The following CTNND2 variants were observed in gnomAD, a reference collection of about 807,000 sequenced individuals.
CTNND2 encodes the protein catenin delta-2.
A neutral mutation model predicts 144.4 loss-of-function variants in CTNND2; 22 were observed. The observed-to-expected ratio is 0.15, with a 90% CI of 0.11 to 0.22. The LOEUF (loss-of-function observed/expected upper bound fraction) is 0.22, where lower values mean the gene tolerates loss of function less well. Among genes scored for constraint, CTNND2 ranks in the 10% least tolerant of loss-of-function variants. The pLI, the probability that CTNND2 is intolerant of heterozygous loss-of-function variation, is 1.00. For synonymous variants in CTNND2, 751 were observed against 695.6 expected, an observed-to-expected ratio of 1.08 and a Z score of -1.25; for missense variants, 1,353 against 1,618.8, an observed-to-expected ratio of 0.84 and a Z score of 2.82.
At chr5:11,510,922 C>T (rs951959035) in intron 3 of CTNND2, among the ~76,000 whole-genome samples, 1 of 129,354 alleles carries the variant, frequency 7.7e-6, no homozygotes, top group African/African-American at 3.1e-5. Flanking sequence ...CAGAAAGAGA[C>T]TCTATCTCAA....
At chr5:11,502,181 C>A (rs1186291139) in intron 3 of CTNND2, among the ~76,000 whole-genome samples, 1 of 146,944 alleles carries the variant, frequency 6.8e-6, no homozygotes, top group Non-Finnish European at 1.5e-5. Context: ...ACGTCCAGAA[C>A]TGTGAGAAAT....
At chr5:11,079,304 T>C (rs1394028045) in intron 16 of CTNND2, among the ~76,000 whole-genome samples, 1 of 123,836 alleles carries the variant, frequency 8.1e-6, no homozygotes, top group African/African-American at 3.8e-5. Context: ...TCCCTTCTGC[T>C]GAGCCTCTGG....
chr5:11,801,732 T>C (rs1284096596), intron 1 of CTNND2, among the ~76,000 whole-genome samples: 1 of 152,214 alleles, frequency 6.6e-6, no homozygotes, highest in Non-Finnish European at 1.5e-5. Flanking sequence ...AGCATCTTTT[T>C]ACTTTAGTAA....
chr5:11,657,447 T>C (rs1291354197), intron 2 of CTNND2, among the ~76,000 whole-genome samples: 1 of 152,128 alleles, frequency 6.6e-6, no homozygotes, highest in African/African-American at 2.4e-5. Flanking sequence ...CCTTCTTCTT[T>C]CTCTCTCCTG....
intron 12 of CTNND2, among the ~76,000 whole-genome samples, chr5:11,118,781 CACA>C: frequency 6.6e-6 from 1 of 152,256 alleles, no homozygotes; most frequent in East Asian, 1.9e-4. Flanking sequence ...ATTTCATATT[CACA>C]ACATCTTTTG....
At chr5:11,220,049 T>C (rs1739628054) in intron 10 of CTNND2, among the ~76,000 whole-genome samples, 1 of 152,176 alleles carries the variant, frequency 6.6e-6, no homozygotes, top group African/African-American at 2.4e-5. Context: ...ACTGTCCATG[T>C]CACTATTTTA....
chr5:11,852,524 G>C (rs1266540463), intron 1 of CTNND2, among the ~76,000 whole-genome samples: 1 of 152,066 alleles, frequency 6.6e-6, no homozygotes, highest in Non-Finnish European at 1.5e-5. Flanking sequence ...TGATGTGAAG[G>C]AAATGCCAAC....
At chr5:11,711,399 G>A (rs1043261165) in intron 2 of CTNND2, among the ~76,000 whole-genome samples, 4 of 151,924 alleles carry the variant, frequency 2.6e-5, no homozygotes, top group African/African-American at 7.3e-5. Context: ...ATATTTAATC[G>A]GCATAGTCCT....
intron 10 of CTNND2, among the ~76,000 whole-genome samples, chr5:11,236,300 G>A (rs767177105): frequency 6.6e-6 from 1 of 152,176 alleles, no homozygotes; most frequent in Non-Finnish European, 1.5e-5. Context: ...AGCTTATACT[G>A]ACTATAACAA....
At chr5:11,878,624 G>T (rs1405567095) in intron 1 of CTNND2, among the ~76,000 whole-genome samples, 1 of 152,198 alleles carries the variant, frequency 6.6e-6, no homozygotes, top group Non-Finnish European at 1.5e-5. Flanking sequence ...CTGAGCTGAA[G>T]TTTGCAGTGT....
At chr5:11,054,193 G>C (rs1006371174) in intron 16 of CTNND2, among the ~76,000 whole-genome samples, 2 of 152,286 alleles carry the variant, frequency 1.3e-5, no homozygotes, top group East Asian at 1.9e-4. Flanking sequence ...TATGAAGCAC[G>C]AGGACAATGA....
At chr5:11,610,762 A>C (rs752415737) in intron 2 of CTNND2, among the ~76,000 whole-genome samples, 14 of 152,230 alleles carry the variant, frequency 9.2e-5, no homozygotes, top group Non-Finnish European at 1.9e-4. Flanking sequence ...ATGACATATT[A>C]GAGGTTTGTC....
At chr5:11,554,508 T>A (rs1245289719) in intron 3 of CTNND2, among the ~76,000 whole-genome samples, 2 of 115,950 alleles carry the variant, frequency 1.7e-5, no homozygotes, top group Admixed American at 2.0e-4. Flanking sequence ...AAGTGATTTT[T>A]TTTCTCTATA....
intron 9 of CTNND2, among the ~76,000 whole-genome samples, chr5:11,318,374 G>T (rs1373121388): frequency 6.6e-6 from 1 of 152,124 alleles, no homozygotes; most frequent in East Asian, 1.9e-4. Flanking sequence ...CATGCTGAAG[G>T]TTGTCCTCTG....
At chr5:11,009,436 A>G (rs1402609836) in intron 18 of CTNND2, among the ~76,000 whole-genome samples, 1 of 152,222 alleles carries the variant, frequency 6.6e-6, no homozygotes, top group Non-Finnish European at 1.5e-5. Context: ...GAGAGAAGAA[A>G]CTGATCACGC....
intron 15 of CTNND2, chr5:11,083,897 G>A: frequency 1.8e-6 from 2 of 1,138,662 alleles, no homozygotes; most frequent in South Asian, 1.7e-5. Context: ...CAGGCAGGGA[G>A]CCCCCTCTGG....
At chr5:11,475,357 C>G (rs1000903666) in intron 3 of CTNND2, among the ~76,000 whole-genome samples, 1 of 152,154 alleles carries the variant, frequency 6.6e-6, no homozygotes. Flanking sequence ...TTTTATTCAC[C>G]AAACTCCCTA....
chr5:11,867,954 T>G (rs1795850388), intron 1 of CTNND2, among the ~76,000 whole-genome samples: 1 of 151,124 alleles, frequency 6.6e-6, no homozygotes, highest in Admixed American at 6.6e-5. Flanking sequence ...TTCCCAATTA[T>G]CATGGAGCTA....
At chr5:11,689,581 CACTT>C (rs1352778768) in intron 2 of CTNND2, among the ~76,000 whole-genome samples, 1 of 152,120 alleles carries the variant, frequency 6.6e-6, no homozygotes, top group Admixed American at 6.5e-5. Flanking sequence ...AGAATATTGT[CACTT>C]ACTTTTTTTC....
Sources: gnomAD v4.1 joint callset for allele counts (sites outside exome capture counted in the v4.1 genomes callset) on GRCh38, gnomAD v4.1.1 for gene constraint, MANE v1.5 for transcripts, NCBI Gene and HGNC (gene_info 2026-07-23, HGNC 2026-07-21) for gene names.